DMD: variants seen among roughly 807,000 people sequenced by gnomAD.
DMD encodes the protein mutant dystrophin.
A neutral mutation model predicts 330.1 loss-of-function variants in DMD; 63 were observed. That is an observed-to-expected ratio of 0.19 (90% CI 0.16 to 0.24). The LOEUF (loss-of-function observed/expected upper bound fraction) is 0.24, where lower values mean the gene tolerates loss of function less well. Ranked by LOEUF, DMD falls within the 10% of genes least tolerant of loss-of-function variation. DMD has a pLI of 1.00. For missense variants in DMD, 3,344 were observed against 2,684.1 expected (o/e 1.25, Z -5.43); for synonymous variants, 1,223 against 959.8 (o/e 1.27, Z -5.07).
intron 6 of DMD, among the ~76,000 whole-genome samples, chrX:32,811,294 G>A (rs112862671): frequency 0.023 from 2,523 of 110,261 alleles, 64 homozygotes; most frequent in African/African-American, 0.078. Context: ...AGCCATGATT[G>A]TACCACTGCA....
chrX:33,239,736 C>G (rs1446295048), intron 1 of DMD, among the ~76,000 whole-genome samples: 1 of 111,722 alleles, frequency 9.0e-6, no homozygotes, highest in Admixed American at 9.5e-5. Flanking sequence ...CATTCCCTCA[C>G]ATGTTATCAT....
chrX:31,417,779 C>T (rs1374212082), intron 60 of DMD, among the ~76,000 whole-genome samples: 1 of 107,371 alleles, frequency 9.3e-6, no homozygotes, highest in Non-Finnish European at 1.9e-5. Flanking sequence ...CCTCTGCCTC[C>T]TGAGTTCAAG....
intron 71 of DMD, 124 bp downstream of exon 71, chrX:31,177,808 G>T: frequency 1.6e-6 from 1 of 617,752 alleles, no homozygotes; most frequent in East Asian, 3.5e-5. Flanking sequence ...TGAAGGAAGG[G>T]GAATTAATAT....
intron 52 of DMD, among the ~76,000 whole-genome samples, chrX:31,688,231 T>C (rs1451771930): frequency 1.8e-5 from 2 of 110,073 alleles, no homozygotes; most frequent in Non-Finnish European, 3.8e-5. Flanking sequence ...GTAAGACTAA[T>C]AAAGAAGAAA....
intron 1 of DMD, among the ~76,000 whole-genome samples, chrX:33,191,112 G>T (rs1182962435): frequency 1.1e-5 from 1 of 93,949 alleles, no homozygotes; most frequent in African/African-American, 3.7e-5. Flanking sequence ...CATTACCCGC[G>T]CAAATAAGTT....
At chrX:31,754,177 T>A (rs1014192107) in intron 51 of DMD, among the ~76,000 whole-genome samples, 1 of 111,544 alleles carries the variant, frequency 9.0e-6, no homozygotes, top group African/African-American at 3.3e-5. Flanking sequence ...AATAGCAGTG[T>A]TATTAGAAAG....
At chrX:33,201,265 T>C (rs1459877014) in intron 1 of DMD, among the ~76,000 whole-genome samples, 1 of 111,293 alleles carries the variant, frequency 9.0e-6, no homozygotes, top group African/African-American at 3.3e-5. Context: ...AAATAAATTA[T>C]TGGGGAGTAT....
chrX:32,449,859 A>C (rs2098323030), intron 26 of DMD, among the ~76,000 whole-genome samples: 1 of 110,727 alleles, frequency 9.0e-6, no homozygotes, highest in African/African-American at 3.3e-5. Context: ...ATGTAAAAGA[A>C]ATTCTGGTAG....
At chrX:32,155,596 C>T (rs2096826501) in intron 44 of DMD, 1 of 175,210 alleles carries the variant, frequency 5.7e-6, no homozygotes, top group African/African-American at 3.1e-5. Flanking sequence ...ACTCCACACA[C>T]AGTCTGCATT....
intron 2 of DMD, among the ~76,000 whole-genome samples, chrX:32,901,859 T>C (rs2086277782): frequency 9.1e-6 from 1 of 110,319 alleles, no homozygotes; most frequent in Non-Finnish European, 1.9e-5. Context: ...TTTCATCTAC[T>C]TTTATCTGTT....
intron 55 of DMD, among the ~76,000 whole-genome samples, chrX:31,594,122 G>A (rs1006070045): frequency 2.3e-4 from 26 of 110,866 alleles, no homozygotes; most frequent in Non-Finnish European, 4.2e-4. Flanking sequence ...ATTCCTTGTG[G>A]AGGGCTATCC....
At chrX:32,247,978 G>A (rs919415766) in intron 43 of DMD, among the ~76,000 whole-genome samples, 1 of 111,704 alleles carries the variant, frequency 9.0e-6, no homozygotes, top group Non-Finnish European at 1.9e-5. Flanking sequence ...ATATGAAGAT[G>A]TATATTTAAA....
intron 44 of DMD, among the ~76,000 whole-genome samples, chrX:32,150,361 C>T (rs909768168): frequency 4.5e-5 from 5 of 112,186 alleles, no homozygotes; most frequent in African/African-American, 1.6e-4. Flanking sequence ...CAGCACCTGG[C>T]ACATGAAAAC....
intron 1 of DMD, among the ~76,000 whole-genome samples, chrX:33,108,840 T>TGGGCAACA (rs1249883386): frequency 2.5e-5 from 1 of 40,393 alleles, no homozygotes; most frequent in Non-Finnish European, 5.2e-5. Context: ...CACTCCAGCC[T>TGGGCAACA]GGGCAACAAG....
intron 55 of DMD, among the ~76,000 whole-genome samples, chrX:31,568,322 C>T (rs2075580460): frequency 9.0e-6 from 1 of 111,311 alleles, no homozygotes; most frequent in South Asian, 3.7e-4. Context: ...GCTTATTTTC[C>T]ATTTAGTAGT....
intron 60 of DMD, among the ~76,000 whole-genome samples, chrX:31,370,545 T>C (rs996940827): frequency 8.9e-6 from 1 of 112,214 alleles, no homozygotes; most frequent in African/African-American, 3.2e-5. Flanking sequence ...ACACCAAATG[T>C]TGGTGAAGAT....
chrX:32,259,488 C>T (rs57574313), intron 43 of DMD, among the ~76,000 whole-genome samples: 7,173 of 110,600 alleles, frequency 0.065, 573 homozygotes, highest in African/African-American at 0.22. Context: ...TAAAAATTCA[C>T]TTAAACATAT....
At chrX:31,619,505 G>A (rs1320212880) in intron 55 of DMD, among the ~76,000 whole-genome samples, 1 of 111,356 alleles carries the variant, frequency 9.0e-6, no homozygotes, top group Admixed American at 9.5e-5. Context: ...AAATTAATAA[G>A]GACCTTTCAC....
At chrX:31,994,414 TC>T (rs1395994221) in intron 44 of DMD, among the ~76,000 whole-genome samples, 2 of 111,717 alleles carry the variant, frequency 1.8e-5, no homozygotes, top group African/African-American at 6.5e-5. Flanking sequence ...CGCTGTCCCT[TC>T]CCCGCTAAAT....
Sources: allele counts gnomAD v4.1 joint callset (sites outside exome capture counted in the v4.1 genomes callset), GRCh38; gene constraint gnomAD v4.1.1; transcripts MANE v1.5; gene names NCBI Gene and HGNC (gene_info 2026-07-23, HGNC 2026-07-21).